Variants in GALNT17 observed in about 807,000 individuals in gnomAD.
GALNT17 encodes polypeptide N-acetylgalactosaminyltransferase 17.
GALNT17 carries 29 observed loss-of-function variants against 63.7 expected under a neutral mutation model. That is an observed-to-expected ratio of 0.46 (90% CI 0.34 to 0.62). GALNT17 has a LOEUF of 0.62. GALNT17 is among the 20% of genes least tolerant of loss of function. GALNT17 has a pLI of 0.01. For missense variants in GALNT17, 603 were observed against 799.6 expected, an observed-to-expected ratio of 0.75 and a Z score of 2.97; for synonymous variants, 305 against 318.3, an observed-to-expected ratio of 0.96 and a Z score of 0.45.
At chr7:71,400,505 AGT>A (rs1793221145) in intron 3 of GALNT17, among the ~76,000 whole-genome samples, 1 of 152,164 alleles carries the variant, frequency 6.6e-6, no homozygotes, top group Non-Finnish European at 1.5e-5. Context: ...CAAATCCATC[AGT>A]CTTTTCTTTT....
At chr7:71,494,567 C>G (rs924096353) in intron 5 of GALNT17, among the ~76,000 whole-genome samples, 1 of 152,046 alleles carries the variant, frequency 6.6e-6, no homozygotes, top group African/African-American at 2.4e-5. Context: ...CTGTATTACC[C>G]AGTCTGGTCT....
In GALNT17 at chr7:71,663,585, C is replaced by T. The variant is rs542150845; in HGVS notation, c.1081-1826C>T. Among the ~76,000 whole-genome samples, 18 of 152,318 alleles carry T rather than the reference C, an allele frequency of 1.2e-4. No homozygotes were observed. In the South Asian group the frequency reaches 1.9e-3, roughly 16 times the overall value. ...CAAAGAAGTCTGGAACATCTATTCTCTACTAACCACTTAGCCCACAATTCC... is the reference window on the plus strand; with the variant it reads ...CAAAGAAGTCTGGAACATCTATTCTTTACTAACCACTTAGCCCACAATTCC... On this transcript the variant is annotated intron_variant, in intron 6 of 10. Transcript: ENST00000333538.
At chr7:71,632,478 C>T (rs1265208757) in intron 6 of GALNT17, among the ~76,000 whole-genome samples, 2 of 152,172 alleles carry the variant, frequency 1.3e-5, no homozygotes, top group Non-Finnish European at 2.9e-5. Context: ...CCATGAGGGG[C>T]CCTGTTCTGA....
chr7:71,514,016 A>T (rs1328263041), intron 5 of GALNT17, among the ~76,000 whole-genome samples: 1 of 152,124 alleles, frequency 6.6e-6, no homozygotes, highest in East Asian at 1.9e-4. Context: ...ATACAGCAAG[A>T]CTGTCTCTAC....
chr7:71,675,306 A>T (rs1791133283), intron 8 of GALNT17, among the ~76,000 whole-genome samples: 2 of 152,336 alleles, frequency 1.3e-5, no homozygotes, highest in East Asian at 3.9e-4. Flanking sequence ...TAAATTTAGC[A>T]CAGTGCCAGG....
intron 5 of GALNT17, among the ~76,000 whole-genome samples, chr7:71,547,207 C>T (rs1789000200): frequency 6.6e-6 from 1 of 151,860 alleles, no homozygotes; most frequent in Non-Finnish European, 1.5e-5. Context: ...TTGTGTCACC[C>T]AGGCTGGAGT....
chr7:71,369,811 CAAAAA>C (rs763387719), intron 2 of GALNT17, among the ~76,000 whole-genome samples: 6,996 of 72,072 alleles, frequency 0.097, 352 homozygotes, highest in African/African-American at 0.2. Context: ...GGCTTTTTGT[CAAAAA>C]AAAAAAAAAA....
intron 6 of GALNT17, among the ~76,000 whole-genome samples, chr7:71,571,786 G>C (rs1789446288): frequency 6.6e-6 from 1 of 152,152 alleles, no homozygotes; most frequent in South Asian, 2.1e-4. Flanking sequence ...GGCCACGGTG[G>C]TGCGATCACT....
intron 9 of GALNT17, among the ~76,000 whole-genome samples, chr7:71,678,807 AAT>A (rs925490115): frequency 2.0e-5 from 3 of 151,388 alleles, no homozygotes; most frequent in African/African-American, 7.3e-5. Context: ...AAAAAAAAAA[AAT>A]TAGCCAGGCA....
Position 71,366,347 on chromosome 7 carries a change from C to G in GALNT17, c.423-21888C>G, listed in dbSNP as rs1792507404. ...ACACCTGTACCAGCACTTTGGGAGG[C>G]CGAGGCGAGTGGATCACGAAGTCAA... On this transcript the variant is annotated intron_variant, in intron 2 of 10. Transcript: ENST00000333538. Among the ~76,000 whole-genome samples the G allele has an allele frequency of 3.9e-5, 6 of 152,206 alleles. No individual in the cohort carries two copies. In the South Asian group the frequency reaches 1.2e-3, roughly 32 times the overall value.
At chr7:71,420,746 A>G (rs2116451864) in intron 4 of GALNT17, among the ~76,000 whole-genome samples, 162 bp from the exon 5 acceptor site, 1 of 152,256 alleles carries the variant, frequency 6.6e-6, no homozygotes, top group South Asian at 2.1e-4. Context: ...AAGCTGCAGG[A>G]TCCAGCGTGG....
chr7:71,518,373 A>G (rs1439024238), intron 5 of GALNT17, among the ~76,000 whole-genome samples: 3 of 152,094 alleles, frequency 2.0e-5, no homozygotes, highest in African/African-American at 7.2e-5. Context: ...GGGATCCAGG[A>G]TCTAATCTGA....
intron 6 of GALNT17, among the ~76,000 whole-genome samples, chr7:71,628,409 G>T (rs899533709): frequency 5.9e-5 from 9 of 151,930 alleles, no homozygotes; most frequent in African/African-American, 2.2e-4. Flanking sequence ...TGCACCCTTT[G>T]CCTCCTGGGC....
chr7:71,601,547 T>G (rs1039090360), intron 6 of GALNT17, among the ~76,000 whole-genome samples: 1 of 152,036 alleles, frequency 6.6e-6, no homozygotes, highest in African/African-American at 2.4e-5. Context: ...CTTGGGAAGC[T>G]GAGGTGGAAA....
chr7:71,470,880 G>T (rs994893281), intron 5 of GALNT17, among the ~76,000 whole-genome samples: 4 of 152,048 alleles, frequency 2.6e-5, no homozygotes, highest in African/African-American at 9.7e-5. Context: ...AATTTGAGAT[G>T]CAGTAATATA....
chr7:71,710,320 C>G (rs375320745), intron 9 of GALNT17, among the ~76,000 whole-genome samples: 9 of 152,184 alleles, frequency 5.9e-5, no homozygotes, highest in African/African-American at 2.2e-4. Flanking sequence ...CCAGCCTGAC[C>G]AACATGATGA....
At chr7:71,300,466 G>A (rs749488545) in intron 1 of GALNT17, 2 of 456,002 alleles carry the variant, frequency 4.4e-6, no homozygotes, top group Non-Finnish European at 8.8e-6. Context: ...CACTGACTGG[G>A]GGATGTTCAT....
At chr7:71,238,803 C>G (rs563643888) in intron 1 of GALNT17, among the ~76,000 whole-genome samples, 1 of 152,186 alleles carries the variant, frequency 6.6e-6, no homozygotes, top group African/African-American at 2.4e-5. Flanking sequence ...CCTATTGACT[C>G]ATTCTAATAA....
intron 1 of GALNT17, among the ~76,000 whole-genome samples, chr7:71,315,914 A>G (rs1484686610): frequency 1.3e-5 from 2 of 152,110 alleles, no homozygotes; most frequent in African/African-American, 4.8e-5. Context: ...AAATATCCCA[A>G]CTGTTTTGTT....
Sources: allele counts gnomAD v4.1 joint callset (sites outside exome capture counted in the v4.1 genomes callset), GRCh38; gene constraint gnomAD v4.1.1; transcripts MANE v1.5; gene names NCBI Gene and HGNC (gene_info 2026-07-23, HGNC 2026-07-21).